RASSF2: variants seen among roughly 807,000 people sequenced by gnomAD.
RASSF2 encodes Ras association domain family member 2.
A neutral mutation model predicts 46.3 loss-of-function variants in RASSF2; 34 were observed. The ratio of observed to expected loss-of-function variants is 0.73; its 90% CI spans 0.56 to 0.98. RASSF2 has a LOEUF of 0.98. Among genes scored for constraint, RASSF2 ranks in the 50% least tolerant of loss-of-function variants. The pLI, the probability that RASSF2 is intolerant of heterozygous loss-of-function variation, is 0.00. For synonymous variants in RASSF2, 158 were observed against 162.5 expected (o/e 0.97, Z 0.21); for missense variants, 364 against 431.2 (o/e 0.84, Z 1.38).
At chr20:4,814,423 G>T (rs1224963339) in intron 2 of RASSF2, among the ~76,000 whole-genome samples, 3 of 152,134 alleles carry the variant, frequency 2.0e-5, no homozygotes, top group African/African-American at 7.2e-5. Flanking sequence ...TTCCTCAAGG[G>T]AACCCCAGCA....
chr20:4,806,468 G>A (rs6515942), intron 2 of RASSF2, among the ~76,000 whole-genome samples: 37,823 of 151,622 alleles, frequency 0.25, 5,026 homozygotes, highest in African/African-American at 0.3. Context: ...TTTTTGAGAC[G>A]GTGTCTGGTT....
In RASSF2 at chr20:4,792,603, C is replaced by A; in HGVS notation, c.312G>T (p.Val104=). ...AQGTTLKPLT[V]PKVQISEVDA... ...CCACCTCTGAGATCTGAACTTTGGG[C>A]ACAGTCAGGGGCTTCAGAGTGGTTC... The change falls in exon 6 of 12, where the codon GTG becomes GTT. Residue 104 remains valine, a synonymous_variant. Coordinates refer to ENST00000379400, the MANE Select transcript of RASSF2 (RefSeq NM_014737.3). The A allele has an allele frequency of 6.2e-7, 1 of 1,613,944 alleles. No homozygotes were observed. Among genetic ancestry groups the A allele is most frequent in the Non-Finnish European group, 8.5e-7 (1 of 1,179,966 alleles).
chr20:4,804,585 C>T (rs905851666), intron 2 of RASSF2, among the ~76,000 whole-genome samples: 4 of 152,064 alleles, frequency 2.6e-5, no homozygotes, highest in African/African-American at 7.2e-5. Context: ...GTGATCTGCC[C>T]GCCTCGGCCT....
chr20:4,813,492 G>T (rs1313466662), intron 2 of RASSF2, among the ~76,000 whole-genome samples: 1 of 152,240 alleles, frequency 6.6e-6, no homozygotes, highest in Non-Finnish European at 1.5e-5. Context: ...GGGTGGCCAG[G>T]TGAGTGACCC....
rs372053633 is a variant in RASSF2, at chr20:4,800,965, G to A, written c.59+7C>T. 3.2e-5 allele frequency: 51 copies of A among 1,607,466 alleles called. No individual in the cohort carries two copies. Among genetic ancestry groups the A allele is most frequent in the Admixed American group, 5.0e-5 (3 of 60,000 alleles). On this transcript the variant is annotated splice_region_variant and intron_variant, in intron 3 of 11. Transcript: ENST00000379400. ...TGAGGACAAAACACTCCAGCAAAAC[G>A]TCTTACTTGGAAATGTATTTATCTT...
intron 1 of RASSF2, among the ~76,000 whole-genome samples, chr20:4,822,683 C>A (rs140466704): frequency 3.3e-5 from 5 of 152,248 alleles, no homozygotes; most frequent in Non-Finnish European, 7.3e-5. Context: ...GAGGTCCCAG[C>A]GACCTCAGGC....
Position 4,786,339 on chromosome 20 carries a change from A to T in RASSF2, c.814-11T>A. 1 of 1,576,780 alleles carries T rather than the reference A, an allele frequency of 6.3e-7. No individual in the cohort carries two copies. The highest frequency in any genetic ancestry group is 8.7e-7 in the Non-Finnish European group (1 of 1,146,146). On this transcript the variant is annotated splice_polypyrimidine_tract_variant and intron_variant, in intron 10 of 11. Transcript: ENST00000379400. ...TATATACTGGGCCACCTAGAGAGAA[A>T]GAAGCAAGTCTGGGTGAATGCCCTT...
In RASSF2 at chr20:4,799,920, C is replaced by T. The variant is rs538643242; in HGVS notation, c.59+1052G>A. Among the ~76,000 whole-genome samples, 88 of 152,060 alleles carry T rather than the reference C, an allele frequency of 5.8e-4. No homozygotes were observed. In the Middle Eastern group the frequency reaches 0.01, roughly 18 times the overall value. On this transcript the variant is annotated intron_variant, in intron 3 of 11. Transcript: ENST00000379400. ...TGAGGTCAGGTGTTCAAGACCAGCC[C>T]GACCAACATGGTGAAAGCCCACCTC... is the stretch of plus-strand genomic sequence containing the variant.
intron 2 of RASSF2, among the ~76,000 whole-genome samples, chr20:4,820,254 T>C (rs1337457599): frequency 6.6e-6 from 1 of 152,140 alleles, no homozygotes; most frequent in African/African-American, 2.4e-5. Flanking sequence ...CCTATAATCC[T>C]AGCACTTTGG....
rs563246820 is a variant in RASSF2, at chr20:4,812,571, C to T, written c.-33+9758G>A. Among the ~76,000 whole-genome samples the T allele has an allele frequency of 2.0e-5, 3 of 152,304 alleles. No individual in the cohort carries two copies. Among genetic ancestry groups the T allele is most frequent in the East Asian group, 1.9e-4 (1 of 5,190 alleles). The stretch of plus-strand genomic sequence containing the variant: ...GTGTATTGGAATCTCTCCGAGGGCT[C>T]GTTAAAATACAGATTGCAGGTCCCT... On this transcript the variant is annotated intron_variant, in intron 2 of 11. Coordinates refer to ENST00000379400, the MANE Select transcript of RASSF2 (RefSeq NM_014737.3). The surrounding 1 kb of genome is among the most constrained non-coding windows in gnomAD (Gnocchi z 4.0).
chr20:4,803,570 A>ATG (rs1327217506), intron 2 of RASSF2, among the ~76,000 whole-genome samples: 10 of 151,836 alleles, frequency 6.6e-5, no homozygotes, highest in Middle Eastern at 3.5e-3. Context: ...CCTGGGCAAC[A>ATG]GCAGGAGACC....
chr20:4,811,792 T>C (rs915147570), intron 2 of RASSF2, among the ~76,000 whole-genome samples: 2 of 151,896 alleles, frequency 1.3e-5, no homozygotes, highest in Non-Finnish European at 2.9e-5. Flanking sequence ...AAGGAAACGC[T>C]CACTGGAGGC....
rs2122415922 is a variant in RASSF2, at chr20:4,786,262, C to A, written c.880G>T (p.Glu294Ter). The A allele has an allele frequency of 5.6e-6, 9 of 1,613,496 alleles. No homozygotes were observed. Among genetic ancestry groups the A allele is most frequent in the Non-Finnish European group, 6.8e-6 (8 of 1,179,370 alleles). ...KSFIQKLQEE[E>*]DREVKKLMRK... ...ATCAGCTTCTTTACTTCCCGATCTT[C>A]TTCCTCCTGGAGCTTCTGAATGAAG... The change falls in exon 11 of 12, where the codon GAA (glutamate) becomes TAA (stop). Residue 294 changes from glutamate (E) to a stop codon, truncating the protein, a stop_gained. Coordinates refer to ENST00000379400, the MANE Select transcript of RASSF2 (RefSeq NM_014737.3). LOFTEE classifies it high-confidence loss of function.
rs111515772 is a variant in RASSF2 at position 4,794,481 on chromosome 20, C to T, written c.287+1334G>A. 7.9e-3 allele frequency among the ~76,000 whole-genome samples: 1,193 copies of T among 151,916 alleles called. 6 individuals are homozygous for T. The highest frequency in any genetic ancestry group is 0.013 in the Non-Finnish European group (864 of 67,942). On this transcript the variant is annotated intron_variant, in intron 5 of 11. Coordinates refer to ENST00000379400, the MANE Select transcript of RASSF2 (RefSeq NM_014737.3). ...CTACTCAGGAGGCTGAGGCACGAAT[C>T]GCTTGAACCCGAGAGGCAGAGGTTG...
rs894281181 is a variant in RASSF2, at chr20:4,812,875, AGTAGCAG to A, written c.-33+9447_-33+9453del. Among the ~76,000 whole-genome samples, 1 of 152,188 alleles carries A rather than the reference AGTAGCAG, an allele frequency of 6.6e-6. No individual in the cohort carries two copies. The highest frequency in any genetic ancestry group is 2.4e-5 in the African/African-American group (1 of 41,454). On this transcript the variant is annotated intron_variant, in intron 2 of 11. Coordinates refer to ENST00000379400, the MANE Select transcript of RASSF2 (RefSeq NM_014737.3). This position sits in a 1 kb window ranked among gnomAD's most constrained non-coding sequence, Gnocchi z 4.0. ...CTGGATCTGAGAGGGCCACTATGCG[AGTAGCAG>A]GTGCAGGCTGGCTCCAGCTACCAGC... is the stretch of plus-strand genomic sequence containing the variant.
chr20:4,801,110 G>C, intron 2 of RASSF2, 48 bp from the exon 3 acceptor site: 1 of 1,500,030 alleles, frequency 6.7e-7, no homozygotes, highest in Non-Finnish European at 9.3e-7. Context: ...TTGTGTGCTT[G>C]GGAACTCAGC....
chr20:4,803,616 A>G (rs1248095904), intron 2 of RASSF2, among the ~76,000 whole-genome samples: 3 of 150,644 alleles, frequency 2.0e-5, no homozygotes, highest in Non-Finnish European at 4.4e-5. Context: ...AATTAGCTGG[A>G]TGTGGTGGCA....
At position 4,786,429 on chromosome 20, in the gene RASSF2, A is replaced by C. The variant is rs146085941; in HGVS notation, c.814-101T>G. The C allele has an allele frequency of 1.4e-3, 1,444 of 1,055,032 alleles. 15 individuals carry two copies. The African/African-American group carries it at 0.02, about 15-fold the overall frequency. 65.4% of individuals were successfully genotyped at this position (1,055,032 alleles called of 1,614,324 possible). A position where few individuals can be genotyped will look rare whatever the true frequency, so the allele number is the denominator to read the frequency against. ...CAAGGCACAAAGCCTTGGGAAGTCT[A>C]TTTTTTTCAGAAACCCAGGATTTCC... On this transcript the variant is annotated intron_variant, in intron 10 of 11. Transcript: ENST00000379400.
intron 11 of RASSF2, among the ~76,000 whole-genome samples, chr20:4,785,244 C>T (rs1049162367): frequency 9.3e-5 from 14 of 151,142 alleles, no homozygotes; most frequent in South Asian, 4.2e-4. Flanking sequence ...GAGGCTGAGA[C>T]GGGAGAATCA....
Sources: gnomAD v4.1 joint callset for allele counts (sites outside exome capture counted in the v4.1 genomes callset) on GRCh38, gnomAD v4.1.1 for gene constraint, Gnocchi (gnomAD v3.1) non-coding constraint, MANE v1.5 for transcripts, NCBI Gene and HGNC (gene_info 2026-07-23, HGNC 2026-07-21) for gene names.